The following TEKT5 variants were observed in gnomAD, a reference collection of about 807,000 sequenced individuals.
TEKT5 encodes tektin 5.
Under a neutral mutation model 48.7 loss-of-function variants are expected in TEKT5, and 52 were observed. The ratio of observed to expected loss-of-function variants is 1.07; its 90% CI spans 0.86 to 1.35. TEKT5 has a LOEUF of 1.35. Among genes scored for constraint, TEKT5 ranks in the 40% most tolerant of loss-of-function variants. TEKT5 has a pLI of 0.00. For missense variants in TEKT5, 831 were observed against 641.6 expected (o/e 1.30, Z -3.19); for synonymous variants, 318 against 267.6 (o/e 1.19, Z -1.84).
chr16:10,651,942 A>G (rs532831820), intron 5 of TEKT5, among the ~76,000 whole-genome samples: 11 of 152,294 alleles, frequency 7.2e-5, no homozygotes, highest in African/African-American at 2.6e-4. Context: ...AGCCTGGGCA[A>G]CAGAGCAAGA....
At chr16:10,683,727 A>G (rs1410713494) in intron 3 of TEKT5, among the ~76,000 whole-genome samples, 1 of 152,104 alleles carries the variant, frequency 6.6e-6, no homozygotes, top group Non-Finnish European at 1.5e-5. Flanking sequence ...AGTAGCTGGG[A>G]TTACAGGCAC....
chr16:10,651,150 T>A lies in TEKT5; in HGVS notation c.1087-15232A>T, dbSNP rs567807294. 5.3e-5 allele frequency among the ~76,000 whole-genome samples: 8 copies of A among 152,260 alleles called. No individual in the cohort carries two copies. The South Asian group carries it at 1.7e-3, about 32-fold the overall frequency. ...ATGGTCTTTCTGCAGGGCAACCCAA[T>A]GCAACAAGATCAAATCAGGGAGCTG... On this transcript the variant is annotated intron_variant, in intron 5 of 6. Transcript: ENST00000283025.
chr16:10,639,564 G>T (rs1897961999), intron 5 of TEKT5, among the ~76,000 whole-genome samples: 3 of 152,208 alleles, frequency 2.0e-5, no homozygotes, highest in African/African-American at 7.2e-5. Context: ...ATGGAATACT[G>T]CATGTGCAGC....
intron 3 of TEKT5, 70 bp downstream of exon 3, chr16:10,689,183 T>C: frequency 1.5e-6 from 2 of 1,325,174 alleles, no homozygotes; most frequent in Middle Eastern, 1.8e-4. Context: ...ATCTGGCTTG[T>C]CCCCCAGAAA....
Position 10,627,571 on chromosome 16 carries a change from C to T in TEKT5, c.*12G>A, listed in dbSNP as rs767887116. 3.1e-6 allele frequency: 5 copies of T among 1,613,788 alleles called. No individual in the cohort carries two copies. The highest frequency in any genetic ancestry group is 1.7e-4 in the Middle Eastern group (1 of 6,040). On this transcript the variant is annotated 3_prime_UTR_variant, in exon 7 of 7. Transcript: ENST00000283025. ...TTTTACGCCAGCGCGGAATGAGGCGCCAGGGCGGTGCTCAGGTGTGGCCCA... is the reference window on the plus strand; with the variant it reads ...TTTTACGCCAGCGCGGAATGAGGCGTCAGGGCGGTGCTCAGGTGTGGCCCA...
At chr16:10,687,134 G>A (rs1898875816) in intron 3 of TEKT5, among the ~76,000 whole-genome samples, 1 of 152,162 alleles carries the variant, frequency 6.6e-6, no homozygotes, top group African/African-American at 2.4e-5. Context: ...CAGTTCGTCA[G>A]GAGGAATAAG....
chr16:10,658,502 T>C (rs1048535133), intron 5 of TEKT5, among the ~76,000 whole-genome samples: 1 of 151,940 alleles, frequency 6.6e-6, no homozygotes, highest in Non-Finnish European at 1.5e-5. Context: ...GAAAAGAACA[T>C]ACTGCATGAT....
chr16:10,652,358 C>T (rs1216106922), intron 5 of TEKT5, among the ~76,000 whole-genome samples: 2 of 151,836 alleles, frequency 1.3e-5, no homozygotes, highest in Admixed American at 1.3e-4. Context: ...CCACTCTCTC[C>T]AGGCCAGGTA....
intron 5 of TEKT5, among the ~76,000 whole-genome samples, chr16:10,650,575 A>C (rs1267699489): frequency 6.6e-6 from 1 of 150,846 alleles, no homozygotes; most frequent in Non-Finnish European, 1.5e-5. Context: ...GGTCATCTTC[A>C]TTAGAAGGGA....
At chr16:10,635,948 C>T in intron 5 of TEKT5, 30 bp from the exon 6 acceptor site, 2 of 1,609,954 alleles carry the variant, frequency 1.2e-6, no homozygotes, top group South Asian at 2.2e-5. Context: ...TGTCACCACC[C>T]ACCAGGCCCT....
Position 10,682,017 on chromosome 16 carries a change from T to C in TEKT5, c.839A>G (p.His280Arg), listed in dbSNP as rs149962577. The change falls in exon 4 of 7, where the codon CAC (histidine) becomes CGC (arginine). Residue 280 changes from histidine (H) to arginine (R), a missense_variant. Transcript: ENST00000283025. ...RNTSDCISFF[H>R]GMEKIDGTIS... ...CGTGCCGTCAATTTTCTCCATGCCGTGGAAGAAGCTGATGCAGTCTGACGT... is the reference window on the plus strand; with the variant it reads ...CGTGCCGTCAATTTTCTCCATGCCGCGGAAGAAGCTGATGCAGTCTGACGT... The C allele has an allele frequency of 1.2e-6, 2 of 1,614,110 alleles. No homozygotes were observed. Among genetic ancestry groups the C allele is most frequent in the African/African-American group, 2.7e-5 (2 of 75,048 alleles).
chr16:10,674,357 G>C (rs893461629), intron 5 of TEKT5, among the ~76,000 whole-genome samples: 14 of 152,108 alleles, frequency 9.2e-5, no homozygotes. Context: ...TTCGAGGCCA[G>C]TCATGGTGGC....
Position 10,682,024 on chromosome 16 carries a change from A to T in TEKT5, c.832T>A (p.Phe278Ile). The T allele has an allele frequency of 1.2e-6, 2 of 1,614,126 alleles. No homozygotes were observed. The highest frequency in any genetic ancestry group is 1.7e-6 in the Non-Finnish European group (2 of 1,179,994). ...TCAATTTTCTCCATGCCGTGGAAGA[A>T]GCTGATGCAGTCTGACGTATTTCTC... is the stretch of plus-strand genomic sequence containing the variant. ...NLRNTSDCIS[F>I]FHGMEKIDGT... Residue 278 changes from phenylalanine to isoleucine, a missense_variant, in exon 4 of 7, where the codon TTC becomes ATC. Coordinates refer to ENST00000283025, the MANE Select transcript of TEKT5 (RefSeq NM_144674.2).
intron 5 of TEKT5, among the ~76,000 whole-genome samples, chr16:10,646,707 A>G (rs918601823): frequency 1.3e-5 from 2 of 152,172 alleles, no homozygotes; most frequent in Admixed American, 1.3e-4. Flanking sequence ...CCTGTTTCCT[A>G]CTGGTGGAGT....
intron 1 of TEKT5, chr16:10,693,035 G>C (rs1404804187): frequency 6.6e-6 from 1 of 152,238 alleles, no homozygotes; most frequent in Admixed American, 6.5e-5. Context: ...GAGACAACTG[G>C]AGGCTAGGAG....
intron 5 of TEKT5, among the ~76,000 whole-genome samples, chr16:10,646,740 G>A (rs1041296689): frequency 3.3e-5 from 5 of 152,168 alleles, no homozygotes; most frequent in African/African-American, 1.2e-4. Flanking sequence ...CTGGGTTATG[G>A]GAGGGCAAGG....
At chr16:10,660,250 G>A (rs1352156267) in intron 5 of TEKT5, among the ~76,000 whole-genome samples, 2 of 152,098 alleles carry the variant, frequency 1.3e-5, no homozygotes, top group African/African-American at 2.4e-5. Context: ...ATAGAAAAGG[G>A]CTCTCCTCAG....
chr16:10,661,224 CCT>C (rs926379608), intron 5 of TEKT5, among the ~76,000 whole-genome samples: 2 of 152,134 alleles, frequency 1.3e-5, no homozygotes, highest in Non-Finnish European at 2.9e-5. Flanking sequence ...GTTTGCAACC[CCT>C]GTTATAAACT....
intron 1 of TEKT5, 25 bp from the exon 2 acceptor site, chr16:10,690,050 T>A: frequency 6.2e-7 from 1 of 1,610,074 alleles, no homozygotes; most frequent in Non-Finnish European, 8.5e-7. Flanking sequence ...AGAAAGAACG[T>A]ATTCTTCCTG....
Sources: gnomAD v4.1 joint callset for allele counts (sites outside exome capture counted in the v4.1 genomes callset) on GRCh38, gnomAD v4.1.1 for gene constraint, MANE v1.5 for transcripts, NCBI Gene and HGNC (gene_info 2026-07-23, HGNC 2026-07-21) for gene names.